IPO5: variants seen among roughly 807,000 people sequenced by gnomAD.
The protein encoded by IPO5 is importin-5.
In IPO5, 18 loss-of-function variants were observed where a neutral mutation model predicts 143.3. The ratio of observed to expected loss-of-function variants is 0.13; its 90% confidence interval spans 0.09 to 0.19. IPO5 has a LOEUF of 0.19. Ranked by LOEUF, IPO5 falls within the 10% of genes least tolerant of loss-of-function variation. The pLI is 1.00. For synonymous variants in IPO5, 477 were observed against 465.7 expected (o/e 1.02, Z -0.31); for missense variants, 1,013 against 1,336.9 (o/e 0.76, Z 3.78).
In IPO5 at chr13:98,020,940, C is replaced by G; in HGVS notation, c.3066-52C>G. On this transcript the variant is annotated intron_variant, in intron 27 of 28. Transcript: ENST00000651721. ...CCATTGATTTTAGTGAACACATAAT[C>G]ATATTTCTCCTTATAAATTTCACTT... 4 of 1,445,878 alleles carry G rather than the reference C, an allele frequency of 2.8e-6. No homozygotes were observed. The South Asian group carries it at 3.7e-5, about 13-fold the overall frequency. The allele number at this position is 1,445,878 out of a possible 1,614,324, so 89.6% of individuals were successfully genotyped here. A position where few individuals can be genotyped will look rare whatever the true frequency, so the allele number is the denominator to read the frequency against.
At chr13:97,987,849 T>A (rs1887497808) in intron 6 of IPO5, 1 of 164,840 alleles carries the variant, frequency 6.1e-6, no homozygotes, top group Non-Finnish European at 1.3e-5. Flanking sequence ...TACTTTCCAG[T>A]TTTAAGTATG....
intron 4 of IPO5, among the ~76,000 whole-genome samples, chr13:97,977,485 T>G (rs1886475761): frequency 6.6e-6 from 1 of 152,208 alleles, no homozygotes; most frequent in Non-Finnish European, 1.5e-5. Context: ...ACAAATTTTC[T>G]TTGCTCTCTA....
At chr13:98,000,723 T>G in intron 13 of IPO5, 78 bp downstream of exon 13, 1 of 887,508 alleles carries the variant, frequency 1.1e-6, no homozygotes, top group Admixed American at 1.9e-5. Context: ...ATGTTTAGAC[T>G]GTTAAAAATT....
intron 2 of IPO5, among the ~76,000 whole-genome samples, chr13:97,965,671 T>A (rs944642696): frequency 6.6e-6 from 1 of 152,172 alleles, no homozygotes; most frequent in Non-Finnish European, 1.5e-5. Flanking sequence ...TGTTTATTGC[T>A]AGTGTATGGA....
At chr13:97,976,667 C>G in intron 3 of IPO5, 26 bp from the exon 4 acceptor site, 1 of 1,216,914 alleles carries the variant, frequency 8.2e-7, no homozygotes, top group Non-Finnish European at 1.1e-6. Context: ...TCCTGTCTCC[C>G]CTCCCTCCTT....
chr13:97,973,896 C>T (rs1200312599), intron 3 of IPO5, among the ~76,000 whole-genome samples: 1 of 151,990 alleles, frequency 6.6e-6, no homozygotes, highest in Non-Finnish European at 1.5e-5. Flanking sequence ...AGGAAGACCC[C>T]ATCTCTACCA....
At chr13:97,955,781 C>T (rs1392011515) in intron 2 of IPO5, among the ~76,000 whole-genome samples, 3 of 152,154 alleles carry the variant, frequency 2.0e-5, no homozygotes, top group Non-Finnish European at 4.4e-5. Flanking sequence ...TCAGGATCCC[C>T]TCATCCCAAG....
intron 13 of IPO5, chr13:98,001,923 C>G (rs1489548585): frequency 2.0e-5 from 3 of 149,770 alleles, no homozygotes; most frequent in Non-Finnish European, 4.5e-5. Context: ...CTGATACATA[C>G]TTTTAGAATC....
chr13:97,969,596 A>G, intron 2 of IPO5, 127 bp from the exon 3 acceptor site: 2 of 605,412 alleles, frequency 3.3e-6, no homozygotes, highest in South Asian at 4.0e-5. Flanking sequence ...ATTTTCTCCA[A>G]CTCTTAACCA....
chr13:97,980,047 T>C lies in IPO5; in HGVS notation c.91-2456T>C, dbSNP rs1425387195. The C allele has an allele frequency of 3.1e-5, 13 of 419,224 alleles. No homozygotes were observed. The East Asian group carries it at 8.5e-4, about 28-fold the overall frequency. The allele number at this position is 419,224 out of a possible 1,614,324, so 26.0% of individuals were successfully genotyped here. On this transcript the variant is annotated intron_variant, in intron 4 of 28. Coordinates refer to ENST00000651721, the MANE Select transcript of IPO5 (RefSeq NM_002271.6). ...GGAGAAGTCTTTGCATTGTGTAAAT[T>C]GTATAAGGTGGAATCAAATCAAATT...
chr13:97,981,054 GA>G (rs1886800031), intron 4 of IPO5, among the ~76,000 whole-genome samples: 1 of 152,140 alleles, frequency 6.6e-6, no homozygotes, highest in South Asian at 2.1e-4. Flanking sequence ...TTCAGCTTGT[GA>G]ATATCTTTAC....
At chr13:98,008,773 G>A (rs567640621) in intron 18 of IPO5, among the ~76,000 whole-genome samples, 1 of 152,108 alleles carries the variant, frequency 6.6e-6, no homozygotes, top group Non-Finnish European at 1.5e-5. Flanking sequence ...TTCCAACACT[G>A]TTATAGTAAC....
At chr13:98,018,972 T>C (rs1890299333) in intron 26 of IPO5, among the ~76,000 whole-genome samples, 1 of 53,930 alleles carries the variant, frequency 1.9e-5, no homozygotes, top group Non-Finnish European at 6.0e-5. Flanking sequence ...AGAATAGGAC[T>C]TTTTTTTTTT....
At chr13:97,964,880 A>G (rs1351231958) in intron 2 of IPO5, among the ~76,000 whole-genome samples, 3 of 152,210 alleles carry the variant, frequency 2.0e-5, no homozygotes, top group Non-Finnish European at 4.4e-5. Flanking sequence ...TACTGTAAAG[A>G]CACATGCACA....
Position 98,018,542 on chromosome 13 carries a change from A to G in IPO5, c.2674A>G (p.Ile892Val), listed in dbSNP as rs1890267933. 6.2e-7 allele frequency: 1 copy of G among 1,614,064 alleles called. No homozygotes were observed. Residue 892 changes from isoleucine to valine, a missense_variant, in exon 26 of 29, where the codon ATA becomes GTA. This residue lies in a region of IPO5 where 685 missense variants were observed against 994.9 expected (regional missense o/e 0.69). Transcript: ENST00000651721. The part of the protein sequence containing the change: ...QWGLCIFDDV[I>V]EHCSPASFKY... The stretch of plus-strand genomic sequence containing the variant: ...GGGATTATGCATCTTTGATGATGTC[A>G]TAGAACACTGTAGTCCAGCCTCATT...
In IPO5 at chr13:98,008,103, C is replaced by G. The variant is rs549389309; in HGVS notation, c.1761C>G (p.Thr587=). 4.3e-6 allele frequency: 7 copies of G among 1,611,696 alleles called. No homozygotes were observed. The South Asian group carries it at 6.6e-5, about 15-fold the overall frequency. The change falls in exon 18 of 29, where the codon ACC becomes ACG. Residue 587 remains threonine (T), a synonymous_variant. Transcript: ENST00000651721. ...ASDVMQLLLK[T]QTDFNDMEDD... Reference sequence around the variant, plus strand: ...ATGTGATGCAGCTTTTGTTAAAGACCCAGACAGACTTCAATGATATGGAAG... The same window carrying G: ...ATGTGATGCAGCTTTTGTTAAAGACGCAGACAGACTTCAATGATATGGAAG...
chr13:97,990,584 C>A (rs368158291), intron 9 of IPO5, 47 bp downstream of exon 9: 84 of 1,046,624 alleles, frequency 8.0e-5, no homozygotes, highest in Middle Eastern at 4.1e-4. Flanking sequence ...TTATTTGGTT[C>A]TTTAATGCAT....
intron 11 of IPO5, 107 bp from the exon 12 acceptor site, chr13:97,997,424 C>G (rs1206608804): frequency 3.8e-6 from 2 of 525,964 alleles, no homozygotes; most frequent in East Asian, 6.6e-5. Flanking sequence ...ATTGTTTTGT[C>G]TTGTTCTCTT....
chr13:98,019,859 T>A (rs1021679215), intron 27 of IPO5, 50 bp downstream of exon 27: 1 of 1,245,196 alleles, frequency 8.0e-7, no homozygotes, highest in African/African-American at 1.5e-5. Context: ...CAGTGCTTCC[T>A]GGTTTTTCTT....
Sources: allele counts gnomAD v4.1 joint callset (sites outside exome capture counted in the v4.1 genomes callset), GRCh38; gene constraint gnomAD v4.1.1; regional missense constraint gnomAD v4.1.1; transcripts MANE v1.5; gene names NCBI Gene and HGNC (gene_info 2026-07-23, HGNC 2026-07-21).